The following NUMB variants were observed in gnomAD, a reference collection of about 807,000 sequenced individuals.
NUMB encodes the protein NUMB endocytic adaptor protein, also known as protein numb homolog.
NUMB carries 29 observed loss-of-function variants against 59.7 expected under a neutral mutation model. That is an observed-to-expected ratio of 0.49 (90% CI 0.36 to 0.66). The LOEUF is 0.66. NUMB is among the 30% of genes least tolerant of loss of function. NUMB has a pLI of 0.00. For synonymous variants in NUMB, 288 were observed against 288.2 expected (o/e 1.00, Z 0.01); for missense variants, 723 against 822.0 (o/e 0.88, Z 1.47).
At chr14:73,440,289 A>G (rs1307138616) in intron 1 of NUMB, among the ~76,000 whole-genome samples, 1 of 151,648 alleles carries the variant, frequency 6.6e-6, no homozygotes, top group Non-Finnish European at 1.5e-5. Flanking sequence ...ATACACATCC[A>G]TATATCTATA....
intron 9 of NUMB, chr14:73,286,190 ATTTTTTTTTTTTTTTT>A (rs55711968): frequency 2.4e-4 from 17 of 72,126 alleles, no homozygotes; most frequent in South Asian, 6.8e-4. Flanking sequence ...AAATATGGCA[ATTTTTTTTTTTTTTTT>A]TTTTTTTTTT....
chr14:73,344,852 T>C (rs990636264), intron 4 of NUMB, among the ~76,000 whole-genome samples: 1 of 152,238 alleles, frequency 6.6e-6, no homozygotes, highest in Admixed American at 6.5e-5. Flanking sequence ...AGTTAAATGA[T>C]TAGCTAGGAT....
intron 1 of NUMB, among the ~76,000 whole-genome samples, chr14:73,436,120 AATG>A (rs950246208): frequency 4.6e-5 from 7 of 152,174 alleles, no homozygotes; most frequent in African/African-American, 1.7e-4. Flanking sequence ...TGTCTACAAT[AATG>A]ATGTAGAATT....
intron 2 of NUMB, among the ~76,000 whole-genome samples, chr14:73,395,092 T>TGTGTGTGTGTGTGTGTGTGTGTGTGTGTG (rs1896064910): frequency 7.1e-6 from 1 of 141,660 alleles, no homozygotes; most frequent in Non-Finnish European, 1.5e-5. Context: ...TGTGTGTGTG[T>TGTGTGTGTGTGTGTGTGTGTGTGTGTGTG]TACATGTGGC....
intron 6 of NUMB, among the ~76,000 whole-genome samples, chr14:73,307,728 CTTTTTTTTTTTTT>C (rs34429117): frequency 3.1e-5 from 3 of 95,508 alleles, no homozygotes; most frequent in African/African-American, 9.1e-5. Context: ...GGGCCTCTGT[CTTTTTTTTTTTTT>C]TTTTTTTTTG....
chr14:73,397,455 A>C (rs183922335), intron 2 of NUMB, among the ~76,000 whole-genome samples: 1 of 152,196 alleles, frequency 6.6e-6, no homozygotes, highest in Non-Finnish European at 1.5e-5. Context: ...GATGTAGCTG[A>C]TCCCACCATT....
intron 2 of NUMB, among the ~76,000 whole-genome samples, chr14:73,408,226 CAAA>C (rs11293087): frequency 6.9e-6 from 1 of 144,170 alleles, no homozygotes. Context: ...GACTCCGTCT[CAAA>C]AAAAAAAAAG....
At chr14:73,402,500 T>A (rs915659397) in intron 2 of NUMB, among the ~76,000 whole-genome samples, 2 of 152,158 alleles carry the variant, frequency 1.3e-5, no homozygotes, top group Non-Finnish European at 2.9e-5. Context: ...CACACAACTA[T>A]GTAGTGTAAC....
intron 4 of NUMB, among the ~76,000 whole-genome samples, chr14:73,341,253 AC>A (rs1250632968): frequency 6.6e-6 from 1 of 152,186 alleles, no homozygotes; most frequent in East Asian, 1.9e-4. Flanking sequence ...TTTTTATTTT[AC>A]GTGGTGGGGA....
chr14:73,414,642 C>T (rs924076640), intron 1 of NUMB, among the ~76,000 whole-genome samples: 20 of 152,178 alleles, frequency 1.3e-4, no homozygotes, highest in African/African-American at 4.8e-4. Flanking sequence ...CCTTCTCAGC[C>T]TCCCAATTTG....
chr14:73,287,348 T>C (rs1594863788), intron 8 of NUMB, 34 bp from the exon 9 acceptor site: 2 of 1,508,594 alleles, frequency 1.3e-6, no homozygotes, highest in Non-Finnish European at 1.8e-6. Context: ...TTTTCAGAAT[T>C]ACACTACTAA....
chr14:73,441,115 TAA>T (rs1451887057), intron 1 of NUMB, among the ~76,000 whole-genome samples: 2 of 151,944 alleles, frequency 1.3e-5, no homozygotes, highest in Admixed American at 1.3e-4. Context: ...AACTCAATAA[TAA>T]AAAGACAAAC....
At chr14:73,440,352 A>G (rs1480399972) in intron 1 of NUMB, among the ~76,000 whole-genome samples, 2 of 152,010 alleles carry the variant, frequency 1.3e-5, no homozygotes, top group Non-Finnish European at 2.9e-5. Context: ...CCCACACTGT[A>G]CACAAAAATT....
intron 11 of NUMB, among the ~76,000 whole-genome samples, chr14:73,281,055 ATTT>A (rs1226543762): frequency 6.7e-6 from 1 of 150,082 alleles, no homozygotes; most frequent in South Asian, 2.1e-4. Context: ...TGGCAAAAAA[ATTT>A]TTTTTTTCAC....
At chr14:73,457,186 C>T (rs1454745558) in intron 1 of NUMB, among the ~76,000 whole-genome samples, 1 of 152,152 alleles carries the variant, frequency 6.6e-6, no homozygotes, top group East Asian at 1.9e-4. Flanking sequence ...TATGCCTACC[C>T]TCTTTCTGAT....
chr14:73,292,726 G>C lies in NUMB; in HGVS notation c.450+8C>G. Reference sequence around the variant, plus strand: ...ACTCATCATGAAATACATATTTGCTGGACTCACTGTGTCCTTGACAGCCAT... The same window carrying C: ...ACTCATCATGAAATACATATTTGCTCGACTCACTGTGTCCTTGACAGCCAT... On this transcript the variant is annotated splice_region_variant and intron_variant, in intron 8 of 12. Coordinates refer to ENST00000555238, the MANE Select transcript of NUMB (RefSeq NM_001005743.2). 6.2e-7 allele frequency: 1 copy of C among 1,613,844 alleles called. No individual in the cohort carries two copies. The highest frequency in any genetic ancestry group is 8.5e-7 in the Non-Finnish European group (1 of 1,179,834).
intron 6 of NUMB, among the ~76,000 whole-genome samples, chr14:73,314,353 T>G (rs1890960301): frequency 6.6e-6 from 1 of 152,202 alleles, no homozygotes. Flanking sequence ...GTTTTCTCAC[T>G]GTAAAACTGG....
chr14:73,354,050 T>A (rs1893629087), intron 4 of NUMB, among the ~76,000 whole-genome samples: 1 of 152,130 alleles, frequency 6.6e-6, no homozygotes. Flanking sequence ...GAAAAATTAG[T>A]GTATTTAAAA....
chr14:73,287,780 G>A (rs923621912), intron 8 of NUMB, among the ~76,000 whole-genome samples: 1 of 152,174 alleles, frequency 6.6e-6, no homozygotes, highest in African/African-American at 2.4e-5. Flanking sequence ...ATTTTCTAAG[G>A]TAGTGCTTAT....
Sources: gnomAD v4.1 joint callset for allele counts (sites outside exome capture counted in the v4.1 genomes callset) on GRCh38, gnomAD v4.1.1 for gene constraint, MANE v1.5 for transcripts, NCBI Gene and HGNC (gene_info 2026-07-23, HGNC 2026-07-21) for gene names.